Variants in FAM3D observed in about 807,000 individuals in gnomAD.
FAM3D encodes the protein protein FAM3D.
Under a neutral mutation model 29.8 loss-of-function variants are expected in FAM3D, and 26 were observed. The ratio of observed to expected loss-of-function variants is 0.87; its 90% CI spans 0.64 to 1.21. The LOEUF (loss-of-function observed/expected upper bound fraction) is 1.21. Among genes scored for constraint, FAM3D ranks in the 50% most tolerant of loss-of-function variants. FAM3D has a pLI of 0.00. For missense variants in FAM3D, 253 were observed against 290.9 expected (o/e 0.87, Z 0.95); for synonymous variants, 115 against 102.3 (o/e 1.12, Z -0.75).
intron 3 of FAM3D, among the ~76,000 whole-genome samples, chr3:58,651,702 C>T (rs1027725579): frequency 6.6e-6 from 1 of 152,040 alleles, no homozygotes. Context: ...CCTCTCCCAC[C>T]TCGGACTGGG....
chr3:58,664,275 G>C (rs1424598210), intron 1 of FAM3D, among the ~76,000 whole-genome samples: 2 of 152,228 alleles, frequency 1.3e-5, no homozygotes, highest in Non-Finnish European at 2.9e-5. Flanking sequence ...GCGTTGCCCA[G>C]TTTTGGGACT....
intron 7 of FAM3D, among the ~76,000 whole-genome samples, chr3:58,639,876 C>G (rs757667048): frequency 1.3e-5 from 2 of 152,188 alleles, no homozygotes; most frequent in Non-Finnish European, 2.9e-5. Flanking sequence ...CCTGAGCTCA[C>G]TTCTTAAATA....
At position 58,634,489 on chromosome 3, in the gene FAM3D, A is replaced by C. The variant is rs1027453308; in HGVS notation, c.586-121T>G. The stretch of plus-strand genomic sequence containing the variant: ...GTGGGATGTTATTAACCCACTTCAC[A>C]GATGGGGAAACTGAGGCTCAGAGAG... On this transcript the variant is annotated intron_variant, in intron 9 of 9. Coordinates refer to ENST00000358781, the MANE Select transcript of FAM3D (RefSeq NM_138805.3). This position sits in a 1 kb window ranked among gnomAD's most constrained non-coding sequence, Gnocchi z 4.6. 12 of 797,966 alleles carry C rather than the reference A, an allele frequency of 1.5e-5. No individual in the cohort carries two copies. Among genetic ancestry groups the C allele is most frequent in the Admixed American group, 2.6e-5 (1 of 37,812 alleles). The allele number at this position is 797,966 out of a possible 1,614,324, so 49.4% of individuals were successfully genotyped here. A position where few individuals can be genotyped will look rare whatever the true frequency, so the allele number is the denominator to read the frequency against.
chr3:58,665,565 C>T (rs552301656), intron 1 of FAM3D, among the ~76,000 whole-genome samples: 31 of 152,094 alleles, frequency 2.0e-4, no homozygotes, highest in Non-Finnish European at 2.5e-4. Flanking sequence ...TTTACCTGAC[C>T]CAATTAATGC....
At position 58,634,233 on chromosome 3, in the gene FAM3D, G is replaced by A; in HGVS notation, c.*46C>T. On this transcript the variant is annotated 3_prime_UTR_variant, in exon 10 of 10. Coordinates refer to ENST00000358781, the MANE Select transcript of FAM3D (RefSeq NM_138805.3). The surrounding 1 kb of genome is among the most constrained non-coding windows in gnomAD (Gnocchi z 4.6). ...TGCCGGGCTCTGACTCCTAAGTCAG[G>A]CAGGAGCTTCTTCAGGCCCCTGGCT... 1 of 1,575,806 alleles carries A rather than the reference G, an allele frequency of 6.3e-7. No homozygotes were observed. The highest frequency in any genetic ancestry group is 1.1e-5 in the South Asian group (1 of 88,836).
intron 4 of FAM3D, 138 bp from the exon 5 acceptor site, chr3:58,645,764 A>C: frequency 1.4e-6 from 1 of 740,434 alleles, no homozygotes; most frequent in Non-Finnish European, 2.3e-6. Flanking sequence ...GCCTTCGCTG[A>C]TTGCAAAGTC....
intron 1 of FAM3D, among the ~76,000 whole-genome samples, chr3:58,661,052 T>G (rs1246196145): frequency 6.6e-6 from 1 of 152,230 alleles, no homozygotes; most frequent in Non-Finnish European, 1.5e-5. Context: ...CTGTTACAAC[T>G]ACTCAACTCT....
rs964935033 is a variant in FAM3D, at chr3:58,635,978, C to T, written c.585+316G>A. On this transcript the variant is annotated intron_variant, in intron 9 of 9. Coordinates refer to ENST00000358781, the MANE Select transcript of FAM3D (RefSeq NM_138805.3). This position sits in a 1 kb window ranked among gnomAD's most constrained non-coding sequence, Gnocchi z 5.2. Reference sequence around the variant, plus strand: ...GATCCCCTTCCCCGCCACACAGCTCCATGTCTCCATTTCTTTCTCGTTCCT... The same window carrying T: ...GATCCCCTTCCCCGCCACACAGCTCTATGTCTCCATTTCTTTCTCGTTCCT... Among the ~76,000 whole-genome samples the T allele has an allele frequency of 4.6e-5, 7 of 152,262 alleles. No individual in the cohort carries two copies. Among genetic ancestry groups the T allele is most frequent in the African/African-American group, 1.7e-4 (7 of 41,472 alleles).
rs1280807257 is a variant in FAM3D, at chr3:58,643,703, T to G, written c.281A>C (p.Lys94Thr). ...GTTTAGGCCTCTGCCCACATTGTTT[T>G]TCACAGGACTCATGATCCTGAAGAC... ...FEDRMIMSPV[K>T]NNVGRGLNIA... Residue 94 changes from lysine (K) to threonine (T), a missense_variant, in exon 6 of 10, where the codon AAA becomes ACA. Physicochemically the swap from Lys to Thr is moderately conservative, Grantham distance 78. Transcript: ENST00000358781. 1.2e-6 allele frequency: 2 copies of G among 1,613,980 alleles called. No homozygotes were observed. Among genetic ancestry groups the G allele is most frequent in the South Asian group, 2.2e-5 (2 of 91,076 alleles).
At chr3:58,649,818 A>G (rs1171888522) in intron 3 of FAM3D, among the ~76,000 whole-genome samples, 6 of 152,148 alleles carry the variant, frequency 3.9e-5, no homozygotes, top group Admixed American at 3.9e-4. Context: ...ACTGCATGAG[A>G]CATTTAACCT....
At chr3:58,646,522 G>A (rs1330981996) in intron 4 of FAM3D, among the ~76,000 whole-genome samples, 8 of 152,244 alleles carry the variant, frequency 5.3e-5, no homozygotes, top group Admixed American at 6.5e-5. Context: ...AGCCTGGCAT[G>A]TTCTAATTCA....
chr3:58,665,540 A>C lies in FAM3D; in HGVS notation c.-39+1036T>G, dbSNP rs528270259. ...ACCATGTATGATACCTCATCTTGTTAATCATTGTGTCTTTTTTACCTGACC... is the reference window on the plus strand; with the variant it reads ...ACCATGTATGATACCTCATCTTGTTCATCATTGTGTCTTTTTTACCTGACC... On this transcript the variant is annotated intron_variant, in intron 1 of 9. Coordinates refer to ENST00000358781, the MANE Select transcript of FAM3D (RefSeq NM_138805.3). Among the ~76,000 whole-genome samples, 3 of 152,324 alleles carry C rather than the reference A, an allele frequency of 2.0e-5. No individual in the cohort carries two copies. The South Asian group carries it at 6.2e-4, about 32-fold the overall frequency.
intron 2 of FAM3D, 56 bp downstream of exon 2, chr3:58,655,495 G>C: frequency 6.2e-7 from 1 of 1,609,182 alleles, no homozygotes; most frequent in Non-Finnish European, 8.5e-7. Flanking sequence ...TGTGAGCCCA[G>C]GATGGGTGGA....
chr3:58,646,887 A>G (rs1299157078), intron 4 of FAM3D, among the ~76,000 whole-genome samples: 1 of 152,232 alleles, frequency 6.6e-6, no homozygotes, highest in African/African-American at 2.4e-5. Flanking sequence ...TATTTGGGCC[A>G]GGCTACACCT....
intron 6 of FAM3D, among the ~76,000 whole-genome samples, chr3:58,641,304 C>G (rs2066325257): frequency 6.6e-6 from 1 of 151,858 alleles, no homozygotes; most frequent in Admixed American, 6.6e-5. Context: ...CTGCAGTTGA[C>G]TCGATCCAGG....
In FAM3D at chr3:58,641,086, C is replaced by G. The variant is rs145911233; in HGVS notation, c.323-909G>C. On this transcript the variant is annotated intron_variant, in intron 6 of 9. Coordinates refer to ENST00000358781, the MANE Select transcript of FAM3D (RefSeq NM_138805.3). The stretch of plus-strand genomic sequence containing the variant: ...GCATAGCTGGAAGATCCTGAGGACT[C>G]TCTGCCCCACTAAAGGTTAAAGACT... Among the ~76,000 whole-genome samples the G allele has an allele frequency of 5.8e-4, 88 of 152,326 alleles. 1 individual carries two copies. Among genetic ancestry groups the G allele is most frequent in the African/African-American group, 1.9e-3 (80 of 41,582 alleles).
At chr3:58,644,979 G>A (rs562537340) in intron 5 of FAM3D, among the ~76,000 whole-genome samples, 6 of 152,286 alleles carry the variant, frequency 3.9e-5, no homozygotes, top group East Asian at 3.9e-4. Context: ...TTAAACACCC[G>A]TCCCTGAGTT....
rs151255431 is a variant in FAM3D at position 58,640,094 on chromosome 3, G to A, written c.373+33C>T. ...GCTCAGCCCTCTGCACCGCACCCCC[G>A]ACTGTGACTTCAGTGTCAGCAGAGG... On this transcript the variant is annotated intron_variant, in intron 7 of 9. Coordinates refer to ENST00000358781, the MANE Select transcript of FAM3D (RefSeq NM_138805.3). 678 of 1,612,568 alleles carry A rather than the reference G, an allele frequency of 4.2e-4. 3 individuals carry two copies. In the African/African-American group the frequency reaches 7.8e-3, roughly 19 times the overall value.
chr3:58,647,808 A>T (rs2066522946), intron 4 of FAM3D, among the ~76,000 whole-genome samples: 1 of 152,200 alleles, frequency 6.6e-6, no homozygotes, highest in South Asian at 2.1e-4. Flanking sequence ...CAGAGCATGG[A>T]ACTGGTGTGC....
Sources: gnomAD v4.1 joint callset for allele counts (sites outside exome capture counted in the v4.1 genomes callset) on GRCh38, gnomAD v4.1.1 for gene constraint, Gnocchi (gnomAD v3.1) non-coding constraint, MANE v1.5 for transcripts, NCBI Gene and HGNC (gene_info 2026-07-23, HGNC 2026-07-21) for gene names.